GRAMD4: variants seen among roughly 807,000 people sequenced by gnomAD.
GRAMD4 encodes the protein GRAM domain-containing protein 4.
A neutral mutation model predicts 83.9 loss-of-function variants in GRAMD4; 25 were observed. The ratio of observed to expected loss-of-function variants is 0.30; its 90% confidence interval spans 0.22 to 0.42. GRAMD4 has a LOEUF of 0.42. Ranked by LOEUF, GRAMD4 falls within the 10% of genes least tolerant of loss-of-function variation. The pLI is 1.00. For synonymous variants in GRAMD4, 336 were observed against 320.9 expected (o/e 1.05, Z -0.50); for missense variants, 593 against 788.7 (o/e 0.75, Z 2.97).
upstream of GRAMD4, among the ~76,000 whole-genome samples, chr22:46,576,790 C>T (rs1216778916): frequency 1.6e-3 from 8 of 5,028 alleles, no homozygotes; most frequent in Non-Finnish European, 1.9e-3. Flanking sequence ...AGCGAGCGTG[C>T]TCCCGCGGGT....
At chr22:46,632,303 G>C (rs1601597704) in intron 2 of GRAMD4, among the ~76,000 whole-genome samples, 1 of 152,242 alleles carries the variant, frequency 6.6e-6, no homozygotes, top group East Asian at 1.9e-4. Context: ...GCTTAGGGCT[G>C]GGGCAGCGTC....
intron 2 of GRAMD4, among the ~76,000 whole-genome samples, chr22:46,628,903 G>A (rs187589906): frequency 1.8e-4 from 27 of 152,192 alleles, no homozygotes; most frequent in Non-Finnish European, 3.4e-4. Flanking sequence ...TGTTGCTGGC[G>A]TCACAGGAGA....
At chr22:46,609,683 G>A (rs950419891) in intron 1 of GRAMD4, among the ~76,000 whole-genome samples, 1 of 152,224 alleles carries the variant, frequency 6.6e-6, no homozygotes, top group Non-Finnish European at 1.5e-5. Context: ...CGCACACACT[G>A]GATTCCGCAT....
intron 3 of GRAMD4, among the ~76,000 whole-genome samples, chr22:46,645,275 C>A (rs1295202939): frequency 2.6e-5 from 4 of 152,116 alleles, no homozygotes; most frequent in Admixed American, 2.6e-4. Flanking sequence ...TTCTCACTCC[C>A]ATCTCAGTCC....
chr22:46,599,951 C>T lies in GRAMD4; in HGVS notation c.-50+22661C>T, dbSNP rs150608890. On this transcript the variant is annotated intron_variant, in intron 1 of 1. Transcript: ENST00000431155. The stretch of plus-strand genomic sequence containing the variant: ...CAGGTGTGTCTCACCACCGGCGGCA[C>T]CTTCTCCCTGTAGGACTGTCTGTCG... Among the ~76,000 whole-genome samples the T allele has an allele frequency of 5.1e-4, 77 of 152,300 alleles. 1 individual carries two copies. The East Asian group carries it at 0.013, about 26-fold the overall frequency.
At chr22:46,598,228 C>T (rs752073604) in intron 1 of GRAMD4, among the ~76,000 whole-genome samples, 20 of 152,078 alleles carry the variant, frequency 1.3e-4, no homozygotes, top group Non-Finnish European at 1.9e-4. Context: ...GTGATCCTCC[C>T]GCCTCAGCCT....
intron 3 of GRAMD4, among the ~76,000 whole-genome samples, chr22:46,640,333 A>G (rs2081957343): frequency 6.6e-6 from 1 of 152,156 alleles, no homozygotes; most frequent in African/African-American, 2.4e-5. Context: ...GGGAAGCTTC[A>G]GGAGAAGAGG....
chr22:46,590,526 A>T (rs11703960), intron 1 of GRAMD4, among the ~76,000 whole-genome samples: 28,858 of 151,916 alleles, frequency 0.19, 3,373 homozygotes, highest in Middle Eastern at 0.3. Flanking sequence ...TGCCGTTAAC[A>T]CCCAGTCAGC....
chr22:46,641,918 G>A (rs1320183671), intron 3 of GRAMD4, among the ~76,000 whole-genome samples: 1 of 152,234 alleles, frequency 6.6e-6, no homozygotes, highest in Admixed American at 6.5e-5. Context: ...CAGGGTGCAT[G>A]GTTGGATTCC....
chr22:46,663,708 C>A, intron 6 of GRAMD4, 130 bp from the exon 7 acceptor site: 1 of 862,770 alleles, frequency 1.2e-6, no homozygotes, highest in Non-Finnish European at 1.9e-6. Flanking sequence ...CCATTCTGTG[C>A]ACTCAAGGGG....
chr22:46,581,198 A>G (rs927069942), intron 1 of GRAMD4, among the ~76,000 whole-genome samples: 45 of 152,244 alleles, frequency 3.0e-4, no homozygotes, highest in Admixed American at 2.6e-3. Flanking sequence ...CAGTGATTAA[A>G]GTCCCCTGTG....
chr22:46,663,794 G>C, intron 6 of GRAMD4, 44 bp from the exon 7 acceptor site: 5 of 1,605,962 alleles, frequency 3.1e-6, no homozygotes, highest in Non-Finnish European at 4.3e-6. Flanking sequence ...CAGAGCCGGC[G>C]GGTGCATTAA....
chr22:46,646,883 G>A (rs1221624648), intron 3 of GRAMD4, among the ~76,000 whole-genome samples: 1 of 152,186 alleles, frequency 6.6e-6, no homozygotes, highest in African/African-American at 2.4e-5. Flanking sequence ...GCAAGGAGGA[G>A]CAAGTCACAT....
At chr22:46,608,667 G>A (rs942859684) in intron 1 of GRAMD4, among the ~76,000 whole-genome samples, 5 of 152,092 alleles carry the variant, frequency 3.3e-5, no homozygotes, top group Non-Finnish European at 5.9e-5. Flanking sequence ...CGACAAGAGC[G>A]AAATTCCGTA....
chr22:46,629,005 C>T (rs1174569239), intron 2 of GRAMD4, among the ~76,000 whole-genome samples: 5 of 151,844 alleles, frequency 3.3e-5, no homozygotes, highest in Non-Finnish European at 7.4e-5. Context: ...TGAGAGGGAG[C>T]CCACCGAGTA....
chr22:46,665,644 G>A lies in GRAMD4; in HGVS notation c.747G>A (p.Trp249Ter). Residue 249 changes from tryptophan to a stop codon, truncating the protein, a stop_gained, in exon 9 of 19, where the codon TGG becomes TGA. Coordinates refer to ENST00000406902, the MANE Select transcript of GRAMD4 (RefSeq NM_015124.5). LOFTEE classifies it high-confidence loss of function. ...ACATGAATGCCGTGTGGCATGGCTG[G>A]GCCATCCCATTGTTCTTATTTCTAG... ...TVYMNAVWHG[W>*]AIPLFLFLAI... is the part of the protein sequence containing the mutation. The A allele has an allele frequency of 6.2e-7, 1 of 1,602,630 alleles. No individual in the cohort carries two copies. The highest frequency in any genetic ancestry group is 8.5e-7 in the Non-Finnish European group (1 of 1,170,160).
At position 46,593,850 on chromosome 22, in the gene GRAMD4, A is replaced by G. The variant is rs536240967; in HGVS notation, c.-50+16560A>G. Among the ~76,000 whole-genome samples, 9 of 151,962 alleles carry G rather than the reference A, an allele frequency of 5.9e-5. No individual in the cohort carries two copies. In the East Asian group the frequency reaches 1.7e-3, roughly 29 times the overall value. On this transcript the variant is annotated intron_variant, in intron 1 of 1. Transcript: ENST00000431155. Reference sequence around the variant, plus strand: ...GTAATTCTCCTGCTTCAGCCTCCCAAGTAGCTGGGATTACAGGCGTGCACC... The same window carrying G: ...GTAATTCTCCTGCTTCAGCCTCCCAGGTAGCTGGGATTACAGGCGTGCACC...
At chr22:46,628,046 G>A (rs1176269510) in intron 2 of GRAMD4, among the ~76,000 whole-genome samples, 1 of 152,204 alleles carries the variant, frequency 6.6e-6, no homozygotes, top group Non-Finnish European at 1.5e-5. Context: ...TGTCTCATCC[G>A]CCTCTGGCTG....
chr22:46,637,068 A>G (rs6008934), intron 2 of GRAMD4, among the ~76,000 whole-genome samples: 14,167 of 152,142 alleles, frequency 0.093, 888 homozygotes, highest in African/African-American at 0.18. Flanking sequence ...CCCGGGGGCC[A>G]GTCTCTCCGA....
Sources: allele counts gnomAD v4.1 joint callset (sites outside exome capture counted in the v4.1 genomes callset), GRCh38; gene constraint gnomAD v4.1.1; transcripts MANE v1.5; gene names NCBI Gene and HGNC (gene_info 2026-07-23, HGNC 2026-07-21).